The following DSCAM variants were observed in gnomAD, a reference collection of about 807,000 sequenced individuals.
DSCAM encodes the protein DS cell adhesion molecule, also known as cell adhesion molecule DSCAM.
DSCAM carries 47 observed loss-of-function variants against 217.7 expected under a neutral mutation model. That is an observed-to-expected ratio of 0.22 (90% CI 0.17 to 0.28). DSCAM has a LOEUF of 0.28. DSCAM is among the 10% of genes least tolerant of loss of function. DSCAM has a pLI of 1.00. For missense variants in DSCAM, 2,080 were observed against 2,618.3 expected, an observed-to-expected ratio of 0.79 and a Z score of 4.49; for synonymous variants, 1,056 against 1,015.3, an observed-to-expected ratio of 1.04 and a Z score of -0.76.
intron 3 of DSCAM, among the ~76,000 whole-genome samples, chr21:40,520,191 A>G (rs1423752996): frequency 6.6e-6 from 1 of 152,172 alleles, no homozygotes; most frequent in Non-Finnish European, 1.5e-5. Context: ...TCTAGGAGCC[A>G]TAAAACTACA....
At chr21:40,663,436 C>G (rs529185352) in intron 3 of DSCAM, among the ~76,000 whole-genome samples, 15 of 152,146 alleles carry the variant, frequency 9.9e-5, no homozygotes, top group Non-Finnish European at 1.9e-4. Context: ...CGGCACTCTC[C>G]TCCCACCGCT....
chr21:40,528,221 T>C (rs1156505903), intron 3 of DSCAM, among the ~76,000 whole-genome samples: 1 of 152,150 alleles, frequency 6.6e-6, no homozygotes, highest in Non-Finnish European at 1.5e-5. Flanking sequence ...GAATCTACTA[T>C]GTGTTGGGAT....
At chr21:40,320,930 A>C (rs2074252387) in intron 8 of DSCAM, among the ~76,000 whole-genome samples, 1 of 152,308 alleles carries the variant, frequency 6.6e-6, no homozygotes, top group South Asian at 2.1e-4. Context: ...ATTTACTTTA[A>C]ATGTCTAAAA....
At chr21:40,331,402 C>A (rs2074376847) in intron 8 of DSCAM, among the ~76,000 whole-genome samples, 2 of 152,282 alleles carry the variant, frequency 1.3e-5, no homozygotes, top group Middle Eastern at 3.4e-3. Flanking sequence ...CGGCCGCTCA[C>A]CTCGAGTGGA....
chr21:40,029,452 G>C (rs1256471401), intron 32 of DSCAM, among the ~76,000 whole-genome samples: 3 of 151,424 alleles, frequency 2.0e-5, no homozygotes, highest in Non-Finnish European at 4.4e-5. Flanking sequence ...GTGGGAAAAG[G>C]CCACTGCCTG....
chr21:40,422,569 G>A (rs916436202), intron 3 of DSCAM, among the ~76,000 whole-genome samples: 2 of 152,098 alleles, frequency 1.3e-5, no homozygotes, highest in African/African-American at 4.8e-5. Context: ...TTGAATTCAG[G>A]AGGCGGAGGT....
chr21:40,572,888 A>G (rs2076819188), intron 3 of DSCAM, among the ~76,000 whole-genome samples: 1 of 152,166 alleles, frequency 6.6e-6, no homozygotes, highest in African/African-American at 2.4e-5. Flanking sequence ...AGATTTTAAT[A>G]CTGTCAACAA....
rs534100380 is a variant in DSCAM, at chr21:40,117,001, CAAAAAAAAAAAAAAAA to C, written c.3696+7178_3696+7193del. Among the ~76,000 whole-genome samples the C allele has an allele frequency of 1.8e-4, 6 of 33,180 alleles. No individual in the cohort carries two copies. The South Asian group carries it at 0.01, about 57-fold the overall frequency. 21.8% of individuals were successfully genotyped at this position (33,180 alleles called of 152,430 possible). On this transcript the variant is annotated intron_variant, in intron 20 of 32. Transcript: ENST00000400454. ...TGGGTGACAGAGTGAGACTCTGTCT[CAAAAAAAAAAAAAAAA>C]AAAAAAAAAAAGATTCATCCTTAAG...
At chr21:40,793,937 T>C (rs2091669088) in intron 1 of DSCAM, among the ~76,000 whole-genome samples, 1 of 152,204 alleles carries the variant, frequency 6.6e-6, no homozygotes, top group Non-Finnish European at 1.5e-5. Flanking sequence ...AAATGCTTAT[T>C]AGTTTTGTTG....
chr21:40,413,045 T>C (rs537788406), intron 3 of DSCAM, among the ~76,000 whole-genome samples: 4 of 152,086 alleles, frequency 2.6e-5, no homozygotes, highest in African/African-American at 9.7e-5. Flanking sequence ...ACCCTGCGAG[T>C]GCACAGAAGT....
chr21:40,021,925 C>A (rs537936797), intron 32 of DSCAM, among the ~76,000 whole-genome samples: 103 of 152,156 alleles, frequency 6.8e-4, no homozygotes, highest in Non-Finnish European at 1.2e-3. Context: ...TGAACTAAAC[C>A]TGCCTCCTTT....
rs138595788 is a variant in DSCAM at position 40,526,330 on chromosome 21, T to C, written c.509-157085A>G. On this transcript the variant is annotated intron_variant, in intron 3 of 32. Transcript: ENST00000400454. ...GGTGGGAATATTGTTCATGCCTTGT[T>C]TGTGACTTACCACAAGGCCAAGCCT... Among the ~76,000 whole-genome samples the C allele has an allele frequency of 1.9e-3, 283 of 152,290 alleles. 3 individuals carry two copies. Among genetic ancestry groups the C allele is most frequent in the Admixed American group, 1.3e-3 (20 of 15,298 alleles).
chr21:40,783,733 A>G (rs1303193129), intron 1 of DSCAM, among the ~76,000 whole-genome samples: 3 of 152,196 alleles, frequency 2.0e-5, no homozygotes, highest in African/African-American at 4.8e-5. Flanking sequence ...TGTCACATGT[A>G]AAACTGCATT....
At chr21:40,227,717 G>C (rs932251178) in intron 11 of DSCAM, among the ~76,000 whole-genome samples, 1 of 152,124 alleles carries the variant, frequency 6.6e-6, no homozygotes, top group Non-Finnish European at 1.5e-5. Context: ...TAGATTTATA[G>C]AAAAGTTGAG....
intron 3 of DSCAM, among the ~76,000 whole-genome samples, chr21:40,678,455 C>A (rs2090364802): frequency 6.6e-6 from 1 of 152,254 alleles, no homozygotes; most frequent in African/African-American, 2.4e-5. Flanking sequence ...TAAAATAATT[C>A]TCCGATGAGA....
intron 3 of DSCAM, among the ~76,000 whole-genome samples, chr21:40,444,017 A>C (rs1361264874): frequency 6.6e-6 from 1 of 152,214 alleles, no homozygotes; most frequent in African/African-American, 2.4e-5. Context: ...GATTTCCTTA[A>C]GACAAGGAAT....
At chr21:40,071,486 C>T (rs1257551132) in intron 27 of DSCAM, among the ~76,000 whole-genome samples, 1 of 152,158 alleles carries the variant, frequency 6.6e-6, no homozygotes, top group African/African-American at 2.4e-5. Flanking sequence ...GTAAAACATA[C>T]TCAGCTTATA....
intron 1 of DSCAM, among the ~76,000 whole-genome samples, chr21:40,785,975 G>A (rs1601257471): frequency 6.6e-6 from 1 of 152,284 alleles, no homozygotes; most frequent in East Asian, 1.9e-4. Context: ...AGTGGCTCAT[G>A]CCTGTAATCC....
intron 1 of DSCAM, among the ~76,000 whole-genome samples, chr21:40,790,085 A>G (rs2091627038): frequency 6.6e-6 from 1 of 152,070 alleles, no homozygotes; most frequent in Non-Finnish European, 1.5e-5. Flanking sequence ...ATCCTTTCTA[A>G]TATCAGAGGT....
Sources: gnomAD v4.1 joint callset for allele counts (sites outside exome capture counted in the v4.1 genomes callset) on GRCh38, gnomAD v4.1.1 for gene constraint, MANE v1.5 for transcripts, NCBI Gene and HGNC (gene_info 2026-07-23, HGNC 2026-07-21) for gene names.